The following LYPD6B variants were observed in gnomAD, a reference collection of about 807,000 sequenced individuals.
The protein encoded by LYPD6B is ly6/PLAUR domain-containing protein 6B.
LYPD6B carries 17 observed loss-of-function variants against 22.8 expected under a neutral mutation model. The observed-to-expected ratio is 0.75, with a 90% confidence interval of 0.51 to 1.12. LYPD6B has a LOEUF of 1.12. Ranked by LOEUF, LYPD6B falls within the 50% of genes most tolerant of loss-of-function variation. The pLI, the probability that LYPD6B is intolerant of heterozygous loss-of-function variation, is 0.00. For synonymous variants in LYPD6B, 106 were observed against 91.6 expected (o/e 1.16, Z -0.90); for missense variants, 221 against 258.3 (o/e 0.86, Z 0.99).
intron 1 of LYPD6B, among the ~76,000 whole-genome samples, chr2:149,108,607 A>G (rs1240933105): frequency 6.6e-6 from 1 of 152,156 alleles, no homozygotes; most frequent in Non-Finnish European, 1.5e-5. Context: ...TGTGTTTCCT[A>G]TAGGCAGCAT....
chr2:149,052,512 C>A (rs1683609804), intron 1 of LYPD6B, among the ~76,000 whole-genome samples: 1 of 152,196 alleles, frequency 6.6e-6, no homozygotes, highest in Non-Finnish European at 1.5e-5. Context: ...CAAAGGCATG[C>A]AACAACCTGA....
chr2:149,147,623 C>A (rs1559032190), intron 2 of LYPD6B, among the ~76,000 whole-genome samples: 1 of 152,144 alleles, frequency 6.6e-6, no homozygotes. Flanking sequence ...AAGTGATTCT[C>A]CCCCTGCAGC....
At chr2:149,059,080 T>A (rs1471648) in intron 1 of LYPD6B, among the ~76,000 whole-genome samples, 80,719 of 152,062 alleles carry the variant, frequency 0.53, 22,773 homozygotes, top group Non-Finnish European at 0.61. Context: ...CGGAGCCCTG[T>A]CTCTTTGAGG....
At chr2:149,094,402 C>A (rs2105454584) in intron 1 of LYPD6B, among the ~76,000 whole-genome samples, 1 of 152,278 alleles carries the variant, frequency 6.6e-6, no homozygotes, top group African/African-American at 2.4e-5. Flanking sequence ...GCATAAAGAT[C>A]ATAATTAGAT....
At chr2:149,186,967 A>T (rs1349343622) in intron 3 of LYPD6B, among the ~76,000 whole-genome samples, 1 of 152,246 alleles carries the variant, frequency 6.6e-6, no homozygotes, top group African/African-American at 2.4e-5. Flanking sequence ...CTGATGAGTC[A>T]GCAGCCATTA....
chr2:149,049,049 C>T (rs866944735), intron 1 of LYPD6B, among the ~76,000 whole-genome samples: 3 of 152,232 alleles, frequency 2.0e-5, no homozygotes, highest in Non-Finnish European at 2.9e-5. Flanking sequence ...TCACTTTCAA[C>T]CTTGCCTTTC....
intron 1 of LYPD6B, among the ~76,000 whole-genome samples, chr2:149,062,962 C>T (rs2105328063): frequency 6.8e-6 from 1 of 147,272 alleles, no homozygotes; most frequent in South Asian, 2.1e-4. Context: ...GTAAGCAAGG[C>T]TCGGTAAAGA....
At chr2:149,053,782 G>C (rs920151623) in intron 1 of LYPD6B, among the ~76,000 whole-genome samples, 13 of 152,072 alleles carry the variant, frequency 8.5e-5, no homozygotes, top group African/African-American at 3.1e-4. Flanking sequence ...TCCACTTTCT[G>C]TCTTGATGGA....
intron 2 of LYPD6B, among the ~76,000 whole-genome samples, chr2:149,148,837 A>G (rs936277203): frequency 6.6e-6 from 1 of 152,178 alleles, no homozygotes; most frequent in Non-Finnish European, 1.5e-5. Flanking sequence ...GACTGCAAAG[A>G]GTAGGATTAT....
chr2:149,124,662 T>C (rs1687583230), intron 1 of LYPD6B, among the ~76,000 whole-genome samples: 1 of 152,218 alleles, frequency 6.6e-6, no homozygotes. Flanking sequence ...ATAGAGCCCA[T>C]GAAAATATTA....
chr2:149,106,908 A>G (rs967406571), intron 1 of LYPD6B, among the ~76,000 whole-genome samples: 12 of 152,036 alleles, frequency 7.9e-5, no homozygotes, highest in Admixed American at 5.9e-4. Context: ...TTCAATACCA[A>G]TACAGCAGTC....
chr2:149,062,951 T>C (rs1054514798), intron 1 of LYPD6B, among the ~76,000 whole-genome samples: 1 of 148,664 alleles, frequency 6.7e-6, no homozygotes, highest in Non-Finnish European at 1.5e-5. Flanking sequence ...GAGTGTCCCC[T>C]GTAAGCAAGG....
chr2:149,157,113 T>G (rs1689754520), intron 2 of LYPD6B, among the ~76,000 whole-genome samples: 1 of 152,182 alleles, frequency 6.6e-6, no homozygotes, highest in South Asian at 2.1e-4. Context: ...GCTGAGTGCC[T>G]TTTTCATTCT....
chr2:149,185,744 T>C (rs1234395633), intron 3 of LYPD6B, among the ~76,000 whole-genome samples: 1 of 152,246 alleles, frequency 6.6e-6, no homozygotes, highest in Non-Finnish European at 1.5e-5. Flanking sequence ...CAATCAGTGC[T>C]GTTTTTCCAA....
intron 1 of LYPD6B, among the ~76,000 whole-genome samples, chr2:149,069,742 T>C (rs1441688883): frequency 6.6e-6 from 1 of 152,150 alleles, no homozygotes; most frequent in Admixed American, 6.6e-5. Flanking sequence ...TTCCACAGCA[T>C]CACCGAGTGC....
chr2:149,110,406 T>G (rs973732851), intron 1 of LYPD6B, among the ~76,000 whole-genome samples: 6 of 152,312 alleles, frequency 3.9e-5, no homozygotes, highest in Admixed American at 6.5e-5. Context: ...AATTTTACTT[T>G]GTTGGGTGCT....
chr2:149,095,152 C>T (rs542574044), intron 1 of LYPD6B, among the ~76,000 whole-genome samples: 1 of 151,890 alleles, frequency 6.6e-6, no homozygotes. Context: ...AAAAATTAGC[C>T]GGGGATGGTG....
intron 1 of LYPD6B, among the ~76,000 whole-genome samples, chr2:149,126,018 A>C (rs544022928): frequency 6.6e-6 from 1 of 152,340 alleles, no homozygotes; most frequent in South Asian, 2.1e-4. Flanking sequence ...TCAGTTTATA[A>C]GTAAATAAGT....
intron 2 of LYPD6B, among the ~76,000 whole-genome samples, chr2:149,146,058 C>T (rs915221455): frequency 3.3e-5 from 5 of 152,172 alleles, no homozygotes; most frequent in Admixed American, 3.3e-4. Context: ...TCTGCATGTC[C>T]ATCTGATATT....
Sources: allele counts gnomAD v4.1 joint callset (sites outside exome capture counted in the v4.1 genomes callset), GRCh38; gene constraint gnomAD v4.1.1; transcripts MANE v1.5; gene names NCBI Gene and HGNC (gene_info 2026-07-23, HGNC 2026-07-21).